Variants in SETX observed in about 807,000 individuals in gnomAD.
SETX encodes helicase senataxin.
A neutral mutation model predicts 227.2 loss-of-function variants in SETX; 90 were observed. That is an observed-to-expected ratio of 0.40 (90% CI 0.33 to 0.47). The LOEUF is 0.47. Ranked by LOEUF, SETX falls within the 20% of genes least tolerant of loss-of-function variation. The pLI, the probability that SETX is intolerant of heterozygous loss-of-function variation, is 0.91. For missense variants in SETX, 3,052 were observed against 3,181.5 expected, an observed-to-expected ratio of 0.96 and a Z score of 0.98; for synonymous variants, 1,210 against 1,113.2, an observed-to-expected ratio of 1.09 and a Z score of -1.73.
intron 3 of SETX, among the ~76,000 whole-genome samples, chr9:132,346,915 A>G (rs1848324729): frequency 6.6e-6 from 1 of 152,126 alleles, no homozygotes; most frequent in African/African-American, 2.4e-5. Context: ...TGATTGTGCC[A>G]CTGTACTCCA....
intron 5 of SETX, among the ~76,000 whole-genome samples, chr9:132,341,892 C>A (rs1847995217): frequency 6.6e-6 from 1 of 152,120 alleles, no homozygotes. Flanking sequence ...CATTGCTGGT[C>A]CACAGAAATA....
intron 23 of SETX, among the ~76,000 whole-genome samples, chr9:132,272,077 T>A (rs1190351948): frequency 6.6e-6 from 1 of 151,770 alleles, no homozygotes; most frequent in Non-Finnish European, 1.5e-5. Context: ...AGAGACTGGG[T>A]TTCACTGTGG....
At chr9:132,335,120 G>A (rs1306596466) in intron 6 of SETX, among the ~76,000 whole-genome samples, 1 of 152,044 alleles carries the variant, frequency 6.6e-6, no homozygotes, top group African/African-American at 2.4e-5. Flanking sequence ...GCCGGGCGTG[G>A]TGGCTCACAC....
In SETX at chr9:132,327,396, C is replaced by A. The variant is rs185868357; in HGVS notation, c.4202G>T (p.Gly1401Val). 4.3e-6 allele frequency: 7 copies of A among 1,614,188 alleles called. No individual in the cohort carries two copies. The East Asian group carries it at 1.6e-4, about 36-fold the overall frequency. Reference sequence around the variant, plus strand: ...GTTACTGTTGGCAAGTACCTCAGTTCCTCCTGTACAATTATAATCTGACCT... The same window carrying A: ...GTTACTGTTGGCAAGTACCTCAGTTACTCCTGTACAATTATAATCTGACCT... ...SDRSDYNCTG[G>V]TEVLANSNRK... Residue 1401 changes from glycine to valine, a missense_variant, in exon 10 of 26, where the codon GGA becomes GTA. Transcript: ENST00000224140.
intron 20 of SETX, among the ~76,000 whole-genome samples, chr9:132,280,650 G>A (rs1489702233): frequency 1.3e-5 from 2 of 152,260 alleles, no homozygotes; most frequent in Non-Finnish European, 2.9e-5. Flanking sequence ...CAACAAAAAT[G>A]CTTTGAAAAT....
At chr9:132,320,141 T>C (rs1313875265) in intron 10 of SETX, among the ~76,000 whole-genome samples, 2 of 152,248 alleles carry the variant, frequency 1.3e-5, no homozygotes, top group African/African-American at 4.8e-5. Flanking sequence ...TTTCTAAAAG[T>C]TGAATCTGTT....
At chr9:132,269,249 A>T (rs548479928) in intron 25 of SETX, among the ~76,000 whole-genome samples, 2 of 152,196 alleles carry the variant, frequency 1.3e-5, no homozygotes, top group Non-Finnish European at 2.9e-5. Context: ...GCGCCTGCAA[A>T]CTCTCTCTGG....
Position 132,326,539 on chromosome 9 carries a change from G to A in SETX, c.5059C>T (p.Pro1687Ser), listed in dbSNP as rs146128231. The change falls in exon 10 of 26, where the codon CCA (proline) becomes TCA (serine). Residue 1687 changes from proline to serine, a missense_variant. Around this residue, in one of 10 missense-constraint regions of SETX, gnomAD observed 1,483 missense variants for 1,312.0 expected, o/e 1.13. Coordinates refer to ENST00000224140, the MANE Select transcript of SETX (RefSeq NM_015046.7). ...GESKYFPSSS[P>S]VNILLSSQSV... ...TGTGATGACAAAAGAATGTTTACTG[G>A]AGAGGAAGATGGAAAATATTTGCTT... 6.2e-7 allele frequency: 1 copy of A among 1,614,180 alleles called. No homozygotes were observed. The highest frequency in any genetic ancestry group is 2.2e-5 in the East Asian group (1 of 44,886).
chr9:132,300,478 A>C, intron 12 of SETX, 152 bp downstream of exon 12: 1 of 771,986 alleles, frequency 1.3e-6, no homozygotes, highest in Non-Finnish European at 2.2e-6. Context: ...TAGAAAAACT[A>C]GAAAAGAGAC....
At chr9:132,342,409 G>A (rs930616559) in intron 5 of SETX, among the ~76,000 whole-genome samples, 1 of 152,154 alleles carries the variant, frequency 6.6e-6, no homozygotes, top group East Asian at 1.9e-4. Flanking sequence ...AAAGTCAAGA[G>A]AAGAGGTCTT....
In SETX at chr9:132,261,609, A is replaced by C. The variant is rs1433470632; in HGVS notation, c.*2630T>G. On this transcript the variant is annotated 3_prime_UTR_variant, in exon 26 of 26. Coordinates refer to ENST00000224140, the MANE Select transcript of SETX (RefSeq NM_015046.7). ...TTAATTCACAGCATAGAAAAGTCAA[A>C]GCTATAGCAAAAAATTGCTAATCTG... The C allele has an allele frequency of 6.5e-6, 1 of 152,856 alleles. No individual in the cohort carries two copies. The highest frequency in any genetic ancestry group is 2.4e-5 in the African/African-American group (1 of 41,462). The allele number at this position is 152,856 out of a possible 1,614,324, so 9.5% of individuals were successfully genotyped here. A position where few individuals can be genotyped will look rare whatever the true frequency, so the allele number is the denominator to read the frequency against.
In SETX at chr9:132,304,590, G is replaced by A. The variant is rs142335559; in HGVS notation, c.5375-3787C>T. On this transcript the variant is annotated intron_variant, in intron 11 of 25. Transcript: ENST00000224140. ...TGAGGCTGCAGTGAGCTGGGATTGC[G>A]CCACTGAACGTCAGCCTGGGCGACA... Among the ~76,000 whole-genome samples, 11 of 147,420 alleles carry A rather than the reference G, an allele frequency of 7.5e-5. No individual in the cohort carries two copies. The East Asian group carries it at 2.0e-3, about 27-fold the overall frequency.
chr9:132,330,139 C>A lies in SETX; in HGVS notation c.1459G>T (p.Glu487Ter). 1 of 1,610,818 alleles carries A rather than the reference C, an allele frequency of 6.2e-7. No individual in the cohort carries two copies. Among genetic ancestry groups the A allele is most frequent in the Non-Finnish European group, 8.5e-7 (1 of 1,177,238 alleles). Reference protein sequence around the residue: ...LLWVSSQQWVEAVVKCAKLPT... With the variant: ...LLWVSSQQWV ...AGCTTGGCACATTTGACGACGGCTT[C>A]CACCCATTGCTGGGAACTTACCCAC... The change falls in exon 10 of 26, where the codon GAA (glutamate) becomes TAA (stop). Residue 487 changes from glutamate to a stop codon, truncating the protein, a stop_gained. Coordinates refer to ENST00000224140, the MANE Select transcript of SETX (RefSeq NM_015046.7). LOFTEE classifies it high-confidence loss of function.
intron 25 of SETX, among the ~76,000 whole-genome samples, chr9:132,267,918 G>A (rs1316743623): frequency 6.6e-6 from 1 of 152,190 alleles, no homozygotes; most frequent in Non-Finnish European, 1.5e-5. Context: ...CAACTTAAGG[G>A]AGGATGAAAA....
intron 2 of SETX, among the ~76,000 whole-genome samples, chr9:132,351,795 T>G (rs1247556110): frequency 6.6e-6 from 1 of 152,262 alleles, no homozygotes; most frequent in East Asian, 1.9e-4. Flanking sequence ...TCTTGAGGTC[T>G]ATTTTGTTAG....
At chr9:132,326,152 C>T (rs943651482) in intron 10 of SETX, among the ~76,000 whole-genome samples, 172 bp downstream of exon 10, 5 of 151,832 alleles carry the variant, frequency 3.3e-5, no homozygotes, top group Non-Finnish European at 7.4e-5. Context: ...ACTGCAACCT[C>T]CGCCTCCTGG....
At position 132,349,334 on chromosome 9, in the gene SETX, G is replaced by A. The variant is rs1332915918; in HGVS notation, c.95C>T (p.Thr32Ile). The A allele has an allele frequency of 6.2e-7, 1 of 1,614,140 alleles. No individual in the cohort carries two copies. The highest frequency in any genetic ancestry group is 8.5e-7 in the Non-Finnish European group (1 of 1,180,040). Reference sequence around the variant, plus strand: ...GCAGTAGCAGAGGTCTTCGTCGGCTGTTTGAAATTCACCGGACGGAGTGTT... The same window carrying A: ...GCAGTAGCAGAGGTCTTCGTCGGCTATTTGAAATTCACCGGACGGAGTGTT... ...ASNTPSGEFQ[T>I]ADEDLCYCLE... is the part of the protein sequence containing the mutation. The change falls in exon 3 of 26, where the codon ACA becomes ATA. Residue 32 changes from threonine (T) to isoleucine (I), a missense_variant. By Grantham distance (89) the Thr-to-Ile change is moderately conservative (BLOSUM62 -1). Coordinates refer to ENST00000224140, the MANE Select transcript of SETX (RefSeq NM_015046.7).
Position 132,328,562 on chromosome 9 carries a change from C to T in SETX, c.3036G>A (p.Gln1012=). The T allele has an allele frequency of 1.9e-6, 3 of 1,614,018 alleles. No individual in the cohort carries two copies. Among genetic ancestry groups the T allele is most frequent in the Non-Finnish European group, 2.5e-6 (3 of 1,179,998 alleles). Residue 1012 remains glutamine, a synonymous_variant, in exon 10 of 26, where the codon CAG becomes CAA. Coordinates refer to ENST00000224140, the MANE Select transcript of SETX (RefSeq NM_015046.7). ...CATCAGAATCTGAAATAATAATAACCTGTCCACGGGAGGTATCTCCAACAT... is the reference window on the plus strand; with the variant it reads ...CATCAGAATCTGAAATAATAATAACTTGTCCACGGGAGGTATCTCCAACAT... The part of the protein sequence containing the change: ...QNNVGDTSRG[Q]VIIISDSDDD...
intron 10 of SETX, among the ~76,000 whole-genome samples, chr9:132,312,674 A>AT (rs1732956369): frequency 6.6e-6 from 1 of 152,186 alleles, no homozygotes; most frequent in Non-Finnish European, 1.5e-5. Context: ...ACAATACTGA[A>AT]TCTGTGTTAT....
Sources: gnomAD v4.1 joint callset for allele counts (sites outside exome capture counted in the v4.1 genomes callset) on GRCh38, gnomAD v4.1.1 for gene constraint, gnomAD v4.1.1 regional missense constraint, MANE v1.5 for transcripts, NCBI Gene and HGNC (gene_info 2026-07-23, HGNC 2026-07-21) for gene names.